DTNA: variants seen among roughly 807,000 people sequenced by gnomAD.
DTNA encodes dystrobrevin alpha, also known as dystrophin-related protein 3.
DTNA carries 43 observed loss-of-function variants against 100.7 expected under a neutral mutation model. The observed-to-expected ratio is 0.43, with a 90% CI of 0.33 to 0.55. DTNA has a LOEUF of 0.55. DTNA is among the 20% of genes least tolerant of loss of function. DTNA has a pLI of 0.04. For synonymous variants in DTNA, 349 were observed against 347.9 expected (o/e 1.00, Z -0.04); for missense variants, 798 against 953.9 (o/e 0.84, Z 2.15).
chr18:34,580,487 G>T (rs2048509176), intron 1 of DTNA, among the ~76,000 whole-genome samples: 1 of 151,998 alleles, frequency 6.6e-6, no homozygotes, highest in South Asian at 2.1e-4. Flanking sequence ...GGGGATGCAG[G>T]GAGACTGGAT....
intron 6 of DTNA, among the ~76,000 whole-genome samples, chr18:34,814,518 C>T (rs1477747126): frequency 6.8e-6 from 1 of 146,416 alleles, no homozygotes; most frequent in Non-Finnish European, 1.5e-5. Context: ...GATCTCATCT[C>T]TGAAAAAAAA....
At chr18:34,813,342 G>A (rs886805382) in intron 6 of DTNA, among the ~76,000 whole-genome samples, 2 of 151,500 alleles carry the variant, frequency 1.3e-5, no homozygotes, top group Non-Finnish European at 2.9e-5. Flanking sequence ...GGTGGTACAT[G>A]CTTGTAGTCC....
At chr18:34,829,170 AT>A in intron 10 of DTNA, 1 of 1,611,182 alleles carries the variant, frequency 6.2e-7, no homozygotes, top group Non-Finnish European at 8.5e-7. Context: ...CCAAAATATG[AT>A]TATTTCCCTT....
At chr18:34,497,055 T>C (rs7243528) in intron 1 of DTNA, among the ~76,000 whole-genome samples, 137,852 of 152,196 alleles carry the variant, frequency 0.91, 62,487 homozygotes, top group East Asian at 0.94. Context: ...TGTGGTTACT[T>C]GCCTATTTGC....
At chr18:34,735,978 T>G (rs1403365360) in intron 1 of DTNA, among the ~76,000 whole-genome samples, 1 of 152,176 alleles carries the variant, frequency 6.6e-6, no homozygotes, top group Non-Finnish European at 1.5e-5. Flanking sequence ...ACACCACTTC[T>G]TTTGACTTTA....
intron 5 of DTNA, among the ~76,000 whole-genome samples, chr18:34,811,425 G>A (rs1423715905): frequency 6.6e-6 from 1 of 152,132 alleles, no homozygotes; most frequent in Non-Finnish European, 1.5e-5. Flanking sequence ...TCTGTAGGAA[G>A]TTAATCAAGT....
At chr18:34,593,021 A>C (rs2049918053) in intron 1 of DTNA, among the ~76,000 whole-genome samples, 1 of 152,176 alleles carries the variant, frequency 6.6e-6, no homozygotes, top group South Asian at 2.1e-4. Context: ...CAGGCAGCCA[A>C]GTTTGGAAGT....
intron 1 of DTNA, among the ~76,000 whole-genome samples, chr18:34,616,133 T>G (rs1341448847): frequency 2.6e-5 from 4 of 152,232 alleles, no homozygotes; most frequent in Non-Finnish European, 4.4e-5. Context: ...CAAATGGTAC[T>G]TCTCTTTTAA....
At chr18:34,661,448 A>G (rs2075173413) in intron 1 of DTNA, among the ~76,000 whole-genome samples, 1 of 152,158 alleles carries the variant, frequency 6.6e-6, no homozygotes, top group African/African-American at 2.4e-5. Context: ...AAACTCTTGA[A>G]TCTTCTAAAT....
chr18:34,870,316 C>T (rs1024261257), intron 17 of DTNA, among the ~76,000 whole-genome samples: 1 of 152,162 alleles, frequency 6.6e-6, no homozygotes, highest in Non-Finnish European at 1.5e-5. Context: ...CAGGTTTCTA[C>T]TTCTTCCAAA....
chr18:34,812,115 T>TA lies in DTNA; in HGVS notation c.603+3dup. 1 of 1,613,948 alleles carries TA rather than the reference T, an allele frequency of 6.2e-7. No individual in the cohort carries two copies. ...GCCAGATCCTGTTTCTCCCAACAGG[T>TA]AGGAGAAAAATATGTTTAAGGAAGT... is the stretch of plus-strand genomic sequence containing the variant. On this transcript the variant is annotated splice_region_variant and intron_variant, in intron 6 of 22. Transcript: ENST00000444659.
intron 1 of DTNA, among the ~76,000 whole-genome samples, chr18:34,599,088 G>A (rs932666557): frequency 3.9e-5 from 6 of 151,990 alleles, no homozygotes; most frequent in Middle Eastern, 3.2e-3. Context: ...GCTTTGATAC[G>A]CCAACTTCTG....
In DTNA at chr18:34,891,016, G is replaced by A. The variant is rs1263414036; in HGVS notation, c.*3282G>A. The A allele has an allele frequency of 2.0e-5, 3 of 152,558 alleles. No homozygotes were observed. Among genetic ancestry groups the A allele is most frequent in the Non-Finnish European group, 4.4e-5 (3 of 68,084 alleles). The allele number at this position is 152,558 out of a possible 1,614,324, so 9.5% of individuals were successfully genotyped here. A position where few individuals can be genotyped will look rare whatever the true frequency, so the allele number is the denominator to read the frequency against. ...CCCTTGGTTCGATTCCACGCAAGGA[G>A]CCACAAGTGAGAACTCCACTGTCCT... On this transcript the variant is annotated 3_prime_UTR_variant, in exon 23 of 23. Coordinates refer to ENST00000444659, the MANE Select transcript of DTNA (RefSeq NM_001386795.1).
At chr18:34,690,153 C>A (rs563501259) in intron 1 of DTNA, among the ~76,000 whole-genome samples, 1 of 152,162 alleles carries the variant, frequency 6.6e-6, no homozygotes, top group Non-Finnish European at 1.5e-5. Flanking sequence ...GGGGAGTGAA[C>A]GGCTCTGTCT....
At position 34,890,785 on chromosome 18, in the gene DTNA, G is replaced by A. The variant is rs537331068; in HGVS notation, c.*3051G>A. The stretch of plus-strand genomic sequence containing the variant: ...GGCAGGGAAGGTTCATTTGTAAGTA[G>A]TAATGTGAACTGAATTGCATTAAGA... On this transcript the variant is annotated 3_prime_UTR_variant, in exon 23 of 23. Coordinates refer to ENST00000444659, the MANE Select transcript of DTNA (RefSeq NM_001386795.1). The A allele has an allele frequency of 2.4e-4, 69 of 291,314 alleles. No individual in the cohort carries two copies. The highest frequency in any genetic ancestry group is 1.4e-3 in the African/African-American group (66 of 46,936). 18.0% of individuals were successfully genotyped at this position (291,314 alleles called of 1,614,324 possible).
intron 1 of DTNA, among the ~76,000 whole-genome samples, chr18:34,507,989 T>C (rs562927475): frequency 6.6e-6 from 1 of 152,322 alleles, no homozygotes; most frequent in East Asian, 1.9e-4. Flanking sequence ...CAAGTAAATA[T>C]AGTAAGGAAA....
At chr18:34,650,824 T>G (rs2060360217) in intron 1 of DTNA, among the ~76,000 whole-genome samples, 1 of 152,232 alleles carries the variant, frequency 6.6e-6, no homozygotes, top group Non-Finnish European at 1.5e-5. Flanking sequence ...AGTTATTCTT[T>G]TTACTGTCAG....
At chr18:34,553,350 G>GT (rs1184383036) in intron 1 of DTNA, among the ~76,000 whole-genome samples, 1 of 151,380 alleles carries the variant, frequency 6.6e-6, no homozygotes, top group African/African-American at 2.4e-5. Context: ...TCTGATGGTA[G>GT]TTTCTTTTGC....
chr18:34,812,528 T>G (rs1416522128), intron 6 of DTNA, among the ~76,000 whole-genome samples: 1 of 152,154 alleles, frequency 6.6e-6, no homozygotes. Flanking sequence ...AAGACCTACC[T>G]TCTTCACATG....
Sources: allele counts gnomAD v4.1 joint callset (sites outside exome capture counted in the v4.1 genomes callset), GRCh38; gene constraint gnomAD v4.1.1; transcripts MANE v1.5; gene names NCBI Gene and HGNC (gene_info 2026-07-23, HGNC 2026-07-21).